The following SYTL2 variants were observed in gnomAD, a reference collection of about 807,000 sequenced individuals.
The protein encoded by SYTL2 is synaptotagmin-like protein 2.
A neutral mutation model predicts 198.7 loss-of-function variants in SYTL2; 165 were observed. The ratio of observed to expected loss-of-function variants is 0.83; its 90% CI spans 0.73 to 0.94. The LOEUF is 0.94. SYTL2 is among the 40% of genes least tolerant of loss of function. SYTL2 has a pLI of 0.00. For synonymous variants in SYTL2, 966 were observed against 917.7 expected (o/e 1.05, Z -0.95); for missense variants, 2,835 against 2,582.8 (o/e 1.10, Z -2.12).
intron 2 of SYTL2, among the ~76,000 whole-genome samples, chr11:85,754,825 T>C (rs1435201750): frequency 1.3e-5 from 2 of 152,134 alleles, no homozygotes; most frequent in Admixed American, 1.3e-4. Context: ...GCAGAGTTTT[T>C]TGTGTCATGA....
the SYTL2 span, among the ~76,000 whole-genome samples, chr11:85,839,754 C>T: frequency 1.3e-5 from 2 of 152,154 alleles, no homozygotes; most frequent in East Asian, 1.9e-4. Flanking sequence ...TAAGAGTGTA[C>T]ATATCTCGTC....
At chr11:85,715,572 T>C (rs1427693075) in intron 11 of SYTL2, among the ~76,000 whole-genome samples, 1 of 152,140 alleles carries the variant, frequency 6.6e-6, no homozygotes, top group Non-Finnish European at 1.5e-5. Context: ...AATTCATCTT[T>C]AAAGAAATCT....
chr11:85,727,672 C>T lies in SYTL2; in HGVS notation c.1686G>A (p.Val562=), dbSNP rs2089357256. ...DSKSQVAVDL[V]TDDTTLRENG... ...TTTCTCTTAAAGTAGTGTCATCTGTCACCAAGTCAACAGCAACCTGTGATT... is the reference window on the plus strand; with the variant it reads ...TTTCTCTTAAAGTAGTGTCATCTGTTACCAAGTCAACAGCAACCTGTGATT... Residue 562 remains valine, a synonymous_variant, in exon 8 of 20, where the codon GTG becomes GTA. Transcript: ENST00000359152. The T allele has an allele frequency of 6.5e-7, 1 of 1,539,514 alleles. No homozygotes were observed. Among genetic ancestry groups the T allele is most frequent in the African/African-American group, 1.4e-5 (1 of 73,146 alleles).
chr11:85,734,779 G>C, intron 6 of SYTL2, 37 bp from the exon 7 acceptor site: 1 of 1,420,960 alleles, frequency 7.0e-7, no homozygotes, highest in Non-Finnish European at 9.7e-7. Flanking sequence ...ATATCATATA[G>C]AGAGTAATAT....
the SYTL2 span, among the ~76,000 whole-genome samples, chr11:85,825,508 A>T: frequency 2.6e-4 from 39 of 152,224 alleles, no homozygotes; most frequent in Non-Finnish European, 5.3e-4. Flanking sequence ...AAGCAACTGG[A>T]CTATCTATAG....
chr11:85,810,533 G>A (rs2093018020), intron 1 of SYTL2, among the ~76,000 whole-genome samples: 1 of 152,052 alleles, frequency 6.6e-6, no homozygotes, highest in African/African-American at 2.4e-5. Flanking sequence ...CCCCTGGCCG[G>A]CCCTTCCCAA....
chr11:85,784,974 A>G (rs1389005629), intron 1 of SYTL2, among the ~76,000 whole-genome samples: 2 of 152,126 alleles, frequency 1.3e-5, no homozygotes, highest in African/African-American at 4.8e-5. Flanking sequence ...CAGCACTTGC[A>G]TGTATTTAAT....
At chr11:85,763,880 A>G (rs2092164860) in intron 1 of SYTL2, among the ~76,000 whole-genome samples, 1 of 152,212 alleles carries the variant, frequency 6.6e-6, no homozygotes, top group African/African-American at 2.4e-5. Flanking sequence ...AGCAGCATCA[A>G]AGGATGGAAG....
chr11:85,782,181 C>A (rs1031818336), intron 1 of SYTL2, among the ~76,000 whole-genome samples: 13 of 152,264 alleles, frequency 8.5e-5, no homozygotes, highest in African/African-American at 2.9e-4. Context: ...TTCTTGACTT[C>A]TGTGCACTGG....
At chr11:85,790,423 T>C (rs2092711929) in intron 1 of SYTL2, among the ~76,000 whole-genome samples, 1 of 152,234 alleles carries the variant, frequency 6.6e-6, no homozygotes, top group Non-Finnish European at 1.5e-5. Flanking sequence ...TTTCTAGACT[T>C]CACTTGCTTT....
the SYTL2 span, chr11:85,853,076 G>A: frequency 1.1e-3 from 307 of 288,580 alleles, 5 homozygotes; most frequent in South Asian, 6.4e-3. Flanking sequence ...CTCCCCGTCC[G>A]GGAGGTCGGG....
intron 1 of SYTL2, among the ~76,000 whole-genome samples, chr11:85,787,695 CT>C (rs2092658267): frequency 9.7e-6 from 1 of 102,694 alleles, no homozygotes; most frequent in East Asian, 4.1e-4. Context: ...GTTTTTTTTT[CT>C]TTTCCTTTTT....
intron 1 of SYTL2, among the ~76,000 whole-genome samples, chr11:85,759,087 AAT>A (rs1328083277): frequency 9.9e-5 from 15 of 152,188 alleles, no homozygotes; most frequent in Non-Finnish European, 4.4e-5. Context: ...TCTACTAAAA[AAT>A]ACAAAAATTA....
At chr11:85,808,095 C>A (rs1476978353) in intron 1 of SYTL2, among the ~76,000 whole-genome samples, 3 of 152,088 alleles carry the variant, frequency 2.0e-5, no homozygotes, top group Non-Finnish European at 4.4e-5. Context: ...GAGATGGAGT[C>A]TTGCTCTGTC....
At chr11:85,729,909 A>G (rs1449883711) in intron 7 of SYTL2, among the ~76,000 whole-genome samples, 1 of 152,214 alleles carries the variant, frequency 6.6e-6, no homozygotes, top group Non-Finnish European at 1.5e-5. Context: ...GATAAAGGGG[A>G]TATCACCACT....
intron 1 of SYTL2, among the ~76,000 whole-genome samples, chr11:85,809,133 C>T (rs2092998495): frequency 6.6e-6 from 1 of 152,206 alleles, no homozygotes. Context: ...GCACAAGGTG[C>T]TAATTCATTC....
At chr11:85,819,632 G>T in the SYTL2 span, among the ~76,000 whole-genome samples, 1 of 152,236 alleles carries the variant, frequency 6.6e-6, no homozygotes, top group African/African-American at 2.4e-5. Context: ...GCCAAAGCAG[G>T]TTTTGTAGCC....
chr11:85,726,312 T>C lies in SYTL2; in HGVS notation c.3046A>G (p.Asn1016Asp), dbSNP rs780520982. The C allele has an allele frequency of 3.7e-6, 6 of 1,614,102 alleles. No individual in the cohort carries two copies. The East Asian group carries it at 1.3e-4, about 36-fold the overall frequency. ...CTGAATTCCTTGTGTTTCTGCCTAT[T>C]AAAAGGTGCAGAATTTTTTTGGCTT... ...TTSQKNSAPF[N>D]RQKHKEFSDI... The change falls in exon 8 of 20, where the codon AAT (asparagine) becomes GAT (aspartate). Residue 1016 changes from asparagine to aspartate, a missense_variant. Asn to Asp is a conservative substitution (Grantham distance 23, BLOSUM62 1). Coordinates refer to ENST00000359152, the MANE Select transcript of SYTL2 (RefSeq NM_206927.4).
chr11:85,811,369 T>G (rs1418548983), upstream of SYTL2, among the ~76,000 whole-genome samples: 1 of 151,590 alleles, frequency 6.6e-6, no homozygotes, highest in Non-Finnish European at 1.5e-5. Context: ...GTTCCTAGCC[T>G]CCTTCTCAAG....
Sources: allele counts gnomAD v4.1 joint callset (sites outside exome capture counted in the v4.1 genomes callset), GRCh38; gene constraint gnomAD v4.1.1; transcripts MANE v1.5; gene names NCBI Gene and HGNC (gene_info 2026-07-23, HGNC 2026-07-21).